ADCY4: variants seen among roughly 807,000 people sequenced by gnomAD.
ADCY4 encodes adenylate cyclase type 4.
In ADCY4, 111 loss-of-function variants were observed where a neutral mutation model predicts 125.5. That is an observed-to-expected ratio of 0.88 (90% CI 0.76 to 1.04). ADCY4 has a LOEUF of 1.04. Among genes scored for constraint, ADCY4 ranks in the 50% least tolerant of loss-of-function variants. The probability of loss-of-function intolerance (pLI) is 0.00; values close to 1 mark genes in which losing one functional copy is unlikely to be tolerated. For missense variants in ADCY4, 1,256 were observed against 1,382.9 expected (o/e 0.91, Z 1.46); for synonymous variants, 576 against 586.9 (o/e 0.98, Z 0.27).
intron 6 of ADCY4, 35 bp from the exon 7 acceptor site, chr14:24,330,330 G>A (rs1195037737): frequency 1.2e-6 from 2 of 1,612,664 alleles, no homozygotes; most frequent in Admixed American, 1.7e-5. Flanking sequence ...AGAGGAACCT[G>A]GTTAGAGGTC....
At chr14:24,331,540 A>G in intron 4 of ADCY4, 184 bp from the exon 5 acceptor site, 1 of 907,328 alleles carries the variant, frequency 1.1e-6, no homozygotes, top group Non-Finnish European at 1.6e-6. Context: ...TTTAGTGACT[A>G]AACTCCCAGT....
chr14:24,322,545 TG>T, intron 19 of ADCY4, 78 bp downstream of exon 19: 1 of 1,476,768 alleles, frequency 6.8e-7, no homozygotes. Flanking sequence ...CATTCAACCC[TG>T]GAGATTAGAA....
At chr14:24,329,339 G>A (rs565400001) in intron 9 of ADCY4, 62 bp downstream of exon 9, 155 of 1,556,276 alleles carry the variant, frequency 1.0e-4, no homozygotes, top group Non-Finnish European at 1.3e-4. Flanking sequence ...GAAGAGATCA[G>A]GCCTGTTGGC....
rs750816153 is a variant in ADCY4, at chr14:24,322,053, G to GAC, written c.2586+12_2586+13insGT. On this transcript the variant is annotated intron_variant, in intron 20 of 24. Transcript: ENST00000418030. ...GGCATCCGTGGCTCAGGAGTCAGGG[G>GAC]GTCAGGAGTCACCTCGTTGCGCCGG... is the stretch of plus-strand genomic sequence containing the variant. 2.5e-6 allele frequency: 4 copies of GAC among 1,606,886 alleles called. No individual in the cohort carries two copies. The African/African-American group carries it at 5.3e-5, about 21-fold the overall frequency.
intron 2 of ADCY4, 49 bp downstream of exon 2, chr14:24,332,742 G>A: frequency 6.5e-7 from 1 of 1,541,996 alleles, no homozygotes; most frequent in Non-Finnish European, 8.8e-7. Flanking sequence ...GCCTGGTGAG[G>A]GATCGAAGCC....
At chr14:24,323,309 G>T in intron 17 of ADCY4, 35 bp downstream of exon 17, 1 of 1,522,608 alleles carries the variant, frequency 6.6e-7, no homozygotes, top group Non-Finnish European at 8.9e-7. Flanking sequence ...GGAAGGGTGT[G>T]CAGAAGGAGA....
intron 10 of ADCY4, 178 bp from the exon 11 acceptor site, chr14:24,326,520 G>A (rs982503883): frequency 7.3e-6 from 5 of 686,602 alleles, no homozygotes; most frequent in Non-Finnish European, 1.3e-5. Context: ...TTGAAGGGGA[G>A]GTTTGAATCT....
At chr14:24,323,548 G>T in intron 16 of ADCY4, 94 bp from the exon 17 acceptor site, 1 of 1,514,656 alleles carries the variant, frequency 6.6e-7, no homozygotes, top group East Asian at 2.5e-5. Flanking sequence ...ATGAGTCAGG[G>T]GAAGACTCGT....
At chr14:24,326,430 A>G in intron 10 of ADCY4, 88 bp from the exon 11 acceptor site, 3 of 1,499,240 alleles carry the variant, frequency 2.0e-6, no homozygotes, top group South Asian at 1.1e-5. Flanking sequence ...TGCTCTATAC[A>G]TGTCTTTGAC....
intron 16 of ADCY4, chr14:24,323,698 A>C (rs1184436545): frequency 1.6e-5 from 22 of 1,372,054 alleles, no homozygotes; most frequent in Non-Finnish European, 1.8e-5. Flanking sequence ...CCAGCCACTT[A>C]GCCTCTCTGG....
rs750690966 is a variant in ADCY4, at chr14:24,329,981, G to C, written c.1096C>G (p.Arg366Gly). The C allele has an allele frequency of 1.9e-6, 3 of 1,614,044 alleles. No homozygotes were observed. The Admixed American group carries it at 5.0e-5, about 27-fold the overall frequency. ...RAATGVDINMRVGVHSGSVLC... is the reference protein window; with the variant it reads ...RAATGVDINMGVGVHSGSVLC... ...ACGCTGCCTGAGTGCACGCCCACACGCATGTTGATGTCCACGCCAGTGGCT... is the reference window on the plus strand; with the variant it reads ...ACGCTGCCTGAGTGCACGCCCACACCCATGTTGATGTCCACGCCAGTGGCT... The change falls in exon 8 of 25, where the codon CGT (arginine) becomes GGT (glycine). Residue 366 changes from arginine (R) to glycine (G), a missense_variant. By Grantham distance (125) the Arg-to-Gly change is moderately radical (BLOSUM62 -2). Coordinates refer to ENST00000418030, the MANE Select transcript of ADCY4 (RefSeq NM_001198568.2).
chr14:24,330,988 C>T lies in ADCY4; in HGVS notation c.930+30G>A, dbSNP rs1405309563. The T allele has an allele frequency of 2.6e-6, 4 of 1,567,924 alleles. No homozygotes were observed. In the East Asian group the frequency reaches 6.8e-5, roughly 27 times the overall value. On this transcript the variant is annotated intron_variant, in intron 6 of 24. Transcript: ENST00000418030. ...TACCCAGGATGGGATGTTTGAGGGT[C>T]CCTGGGTGGGGAGGGAAGTCTTCTC...
chr14:24,323,471 G>T lies in ADCY4; in HGVS notation c.2047-17C>A. 1 of 1,551,008 alleles carries T rather than the reference G, an allele frequency of 6.4e-7. No individual in the cohort carries two copies. Among genetic ancestry groups the T allele is most frequent in the Non-Finnish European group, 8.7e-7 (1 of 1,146,600 alleles). On this transcript the variant is annotated splice_polypyrimidine_tract_variant and intron_variant, in intron 16 of 24. Transcript: ENST00000418030. ...GAAGAAGAACTGCAGAGGAGATGAG[G>T]AGTTGAAGAGGCAGGTAGCTTCTTG... is the stretch of plus-strand genomic sequence containing the variant.
At chr14:24,318,805 C>T in intron 23 of ADCY4, 27 bp from the exon 24 acceptor site, 1 of 1,613,214 alleles carries the variant, frequency 6.2e-7, no homozygotes, top group African/African-American at 1.3e-5. Flanking sequence ...TAATGACAGA[C>T]TTGGAGAAGG....
In ADCY4 at chr14:24,322,240, C is replaced by A. The variant is rs777568165; in HGVS notation, c.2428-16G>T. On this transcript the variant is annotated splice_polypyrimidine_tract_variant and intron_variant, in intron 19 of 24. Coordinates refer to ENST00000418030, the MANE Select transcript of ADCY4 (RefSeq NM_001198568.2). Reference sequence around the variant, plus strand: ...AGTACTCATTCTGGGGAGGGTCACCCGGGGCCATGGGGAGACACAGAGCAG... The same window carrying A: ...AGTACTCATTCTGGGGAGGGTCACCAGGGGCCATGGGGAGACACAGAGCAG... 2 of 1,605,362 alleles carry A rather than the reference C, an allele frequency of 1.2e-6. No individual in the cohort carries two copies. Among genetic ancestry groups the A allele is most frequent in the Admixed American group, 1.7e-5 (1 of 59,646 alleles).
At chr14:24,324,273 C>G (rs200989234) in intron 15 of ADCY4, 34 bp downstream of exon 15, 1 of 1,613,752 alleles carries the variant, frequency 6.2e-7, no homozygotes, top group Non-Finnish European at 8.5e-7. Context: ...ACCAGGGCTC[C>G]GGCATACCAC....
intron 1 of ADCY4, among the ~76,000 whole-genome samples, chr14:24,333,236 T>G (rs549126272): frequency 1.3e-5 from 2 of 152,334 alleles, no homozygotes; most frequent in African/African-American, 4.8e-5. Context: ...TGGTTTGTTT[T>G]TTGAGACAGA....
rs1950502 is a variant in ADCY4 at position 24,332,429 on chromosome 14, A to C, written c.519+93T>G. ...ATCCTGCGCCCAGCGTTGCACCTTG[A>C]CTTGGAGTCACAGCTCAACAACCCC... On this transcript the variant is annotated intron_variant, in intron 3 of 24. Coordinates refer to ENST00000418030, the MANE Select transcript of ADCY4 (RefSeq NM_001198568.2). The C allele has an allele frequency of 0.99, 1,395,955 of 1,412,032 alleles. 691,428 individuals are homozygous for C. The highest frequency in any genetic ancestry group is 1 in the East Asian group (39,861 of 39,862). 87.5% of individuals were successfully genotyped at this position (1,412,032 alleles called of 1,614,324 possible).
intron 16 of ADCY4, 100 bp from the exon 17 acceptor site, chr14:24,323,554 C>G: frequency 6.6e-7 from 1 of 1,509,018 alleles, no homozygotes; most frequent in South Asian, 1.3e-5. Context: ...CAGGGGAAGA[C>G]TCGTCCAAAG....
Sources: allele counts gnomAD v4.1 joint callset (sites outside exome capture counted in the v4.1 genomes callset), GRCh38; gene constraint gnomAD v4.1.1; transcripts MANE v1.5; gene names NCBI Gene and HGNC (gene_info 2026-07-23, HGNC 2026-07-21).